DSCAM: variants seen among roughly 807,000 people sequenced by gnomAD.
DSCAM encodes the protein cell adhesion molecule DSCAM.
DSCAM carries 47 observed loss-of-function variants against 217.7 expected under a neutral mutation model. The observed-to-expected ratio is 0.22, with a 90% CI of 0.17 to 0.28. The LOEUF is 0.28. Among genes scored for constraint, DSCAM ranks in the 10% least tolerant of loss-of-function variants. DSCAM has a pLI of 1.00. For synonymous variants in DSCAM, 1,056 were observed against 1,015.3 expected (o/e 1.04, Z -0.76); for missense variants, 2,080 against 2,618.3 (o/e 0.79, Z 4.49).
intron 3 of DSCAM, among the ~76,000 whole-genome samples, chr21:40,620,009 A>T (rs924174902): frequency 1.8e-5 from 2 of 113,326 alleles, no homozygotes; most frequent in African/African-American, 7.7e-5. Flanking sequence ...AAGAGAGAGA[A>T]AAAAGAAAAA....
At chr21:40,555,811 A>AT (rs1020792624) in intron 3 of DSCAM, among the ~76,000 whole-genome samples, 1 of 151,786 alleles carries the variant, frequency 6.6e-6, no homozygotes, top group African/African-American at 2.4e-5. Context: ...ATTTTTTTTA[A>AT]TTTTTTGCAG....
At chr21:40,594,344 GACATAGCTTATC>G (rs556420738) in intron 3 of DSCAM, among the ~76,000 whole-genome samples, 29 of 152,300 alleles carry the variant, frequency 1.9e-4, no homozygotes, top group Non-Finnish European at 4.3e-4. Context: ...TTTACAGTGT[GACATAGCTTATC>G]ACAATAGCGG....
chr21:40,558,573 G>A (rs911879040), intron 3 of DSCAM, among the ~76,000 whole-genome samples: 2 of 152,054 alleles, frequency 1.3e-5, no homozygotes, highest in African/African-American at 2.4e-5. Context: ...GTCTGCAAAC[G>A]GATAATCAAA....
chr21:40,411,703 G>C (rs1434957035), intron 3 of DSCAM, among the ~76,000 whole-genome samples: 1 of 152,110 alleles, frequency 6.6e-6, no homozygotes, highest in Non-Finnish European at 1.5e-5. Context: ...GAAAATGAGA[G>C]AAGACACACA....
chr21:40,021,931 C>T (rs567207540), intron 32 of DSCAM, among the ~76,000 whole-genome samples: 5 of 152,280 alleles, frequency 3.3e-5, no homozygotes, highest in African/African-American at 9.6e-5. Flanking sequence ...AAACCTGCCT[C>T]CTTTTAGCTG....
chr21:40,791,887 T>A (rs1040870451), intron 1 of DSCAM, among the ~76,000 whole-genome samples: 10 of 151,874 alleles, frequency 6.6e-5, no homozygotes, highest in African/African-American at 2.2e-4. Flanking sequence ...ACTTGGGGAG[T>A]GCTGCTTCCT....
chr21:40,182,676 G>T (rs1327962886), intron 14 of DSCAM, among the ~76,000 whole-genome samples: 1 of 128,030 alleles, frequency 7.8e-6, no homozygotes, highest in Non-Finnish European at 1.6e-5. Context: ...GGACAGGGGG[G>T]GGTTACCAGA....
rs1469423730 is a variant in DSCAM at position 40,189,056 on chromosome 21, T to C, written c.2539A>G (p.Ile847Val). ...CATGCTTTTACCTGCAGAGTAGAAATCACCTCTTCTCCCACCTCCTTGGTG... is the reference window on the plus strand; with the variant it reads ...CATGCTTTTACCTGCAGAGTAGAAACCACCTCTTCTCCCACCTCCTTGGTG... ...VSTKEVGEEVISTLQILPTVR... is the reference protein window; with the variant it reads ...VSTKEVGEEVVSTLQILPTVR... The change falls in exon 12 of 33, where the codon ATT (isoleucine) becomes GTT (valine). Residue 847 changes from isoleucine to valine, a missense_variant. Transcript: ENST00000400454. The C allele has an allele frequency of 6.2e-7, 1 of 1,614,038 alleles. No homozygotes were observed. Among genetic ancestry groups the C allele is most frequent in the Non-Finnish European group, 8.5e-7 (1 of 1,180,042 alleles).
chr21:40,832,076 C>CAGATTA (rs1464028758), intron 1 of DSCAM, among the ~76,000 whole-genome samples: 2 of 152,154 alleles, frequency 1.3e-5, no homozygotes, highest in Non-Finnish European at 2.9e-5. Context: ...CATTTCCAAA[C>CAGATTA]CCTGGTTTTG....
intron 1 of DSCAM, among the ~76,000 whole-genome samples, chr21:40,800,375 G>A (rs1348248660): frequency 6.6e-6 from 1 of 152,166 alleles, no homozygotes; most frequent in African/African-American, 2.4e-5. Flanking sequence ...ATGGGCAGAG[G>A]ATGGAAGCTG....
At chr21:40,571,727 C>A (rs2076808348) in intron 3 of DSCAM, among the ~76,000 whole-genome samples, 1 of 152,302 alleles carries the variant, frequency 6.6e-6, no homozygotes, top group Non-Finnish European at 1.5e-5. Flanking sequence ...AAAGGTTGAG[C>A]ATCCCCAGTC....
At chr21:40,810,224 C>T (rs189582819) in intron 1 of DSCAM, among the ~76,000 whole-genome samples, 4 of 152,346 alleles carry the variant, frequency 2.6e-5, no homozygotes, top group Admixed American at 2.6e-4. Flanking sequence ...ATCTGCGATT[C>T]ACCCTCTCAG....
intron 3 of DSCAM, among the ~76,000 whole-genome samples, chr21:40,577,615 G>A (rs1018607345): frequency 4.6e-5 from 7 of 152,194 alleles, no homozygotes; most frequent in African/African-American, 1.7e-4. Flanking sequence ...TTATTAGCCG[G>A]CGACGAGAGA....
rs148482322 is a variant in DSCAM, at chr21:40,303,364, C to T, written c.2063-7190G>A. ...GACTTGTTGGTCTCTCTGCTTGGAA[C>T]TCGCTTCCTACAATTCCCTGGGACG... On this transcript the variant is annotated intron_variant, in intron 9 of 32. Coordinates refer to ENST00000400454, the MANE Select transcript of DSCAM (RefSeq NM_001389.5). 2.6e-5 allele frequency among the ~76,000 whole-genome samples: 4 copies of T among 152,216 alleles called. No homozygotes were observed. In the East Asian group the frequency reaches 7.8e-4, roughly 30 times the overall value.
chr21:40,731,731 C>CT (rs201725100), intron 1 of DSCAM, among the ~76,000 whole-genome samples: 2 of 115,708 alleles, frequency 1.7e-5, no homozygotes, highest in East Asian at 3.2e-4. Flanking sequence ...CCACTGCACC[C>CT]CCCCCCCCGC....
At chr21:40,522,873 T>C (rs1482621059) in intron 3 of DSCAM, among the ~76,000 whole-genome samples, 1 of 152,144 alleles carries the variant, frequency 6.6e-6, no homozygotes, top group Non-Finnish European at 1.5e-5. Flanking sequence ...CACATGTAAT[T>C]GTCACATGCG....
At position 40,160,387 on chromosome 21, in the gene DSCAM, C is replaced by T. The variant is rs141653289; in HGVS notation, c.3018+6831G>A. 3.7e-3 allele frequency among the ~76,000 whole-genome samples: 556 copies of T among 152,240 alleles called. 3 individuals are homozygous for T. Among genetic ancestry groups the T allele is most frequent in the African/African-American group, 0.011 (463 of 41,544 alleles). Reference sequence around the variant, plus strand: ...TTGTTGGAAATGGATTTAACTTACGCTAATGTTACTTTAAAATGTGATGAA... The same window carrying T: ...TTGTTGGAAATGGATTTAACTTACGTTAATGTTACTTTAAAATGTGATGAA... On this transcript the variant is annotated intron_variant, in intron 16 of 32. Transcript: ENST00000400454.
rs143053750 is a variant in DSCAM, at chr21:40,747,009, C to T, written c.44-38238G>A. ...TCAAAAATAAAATTTAAAAATTTCT[C>T]GATCAAATGAAAATATGCACACAAC... On this transcript the variant is annotated intron_variant, in intron 1 of 32. Transcript: ENST00000400454. Among the ~76,000 whole-genome samples, 1,059 of 151,760 alleles carry T rather than the reference C, an allele frequency of 7.0e-3. 14 individuals are homozygous for T. Among genetic ancestry groups the T allele is most frequent in the African/African-American group, 0.024 (1,004 of 41,460 alleles).
chr21:40,510,110 C>A (rs1164055245), intron 3 of DSCAM, among the ~76,000 whole-genome samples: 1 of 151,984 alleles, frequency 6.6e-6, no homozygotes, highest in Non-Finnish European at 1.5e-5. Context: ...GGTGACAGAG[C>A]GAGACTCCAT....
Sources: gnomAD v4.1 joint callset for allele counts (sites outside exome capture counted in the v4.1 genomes callset) on GRCh38, gnomAD v4.1.1 for gene constraint, MANE v1.5 for transcripts, NCBI Gene and HGNC (gene_info 2026-07-23, HGNC 2026-07-21) for gene names.